Variants in C1QTNF7 observed in about 807,000 individuals in gnomAD.
C1QTNF7 encodes C1q and TNF related 7, also known as complement C1q tumor necrosis factor-related protein 7.
Under a neutral mutation model 19.6 loss-of-function variants are expected in C1QTNF7, and 15 were observed. The ratio of observed to expected loss-of-function variants is 0.76; its 90% CI spans 0.51 to 1.18. The LOEUF (loss-of-function observed/expected upper bound fraction) is 1.18. Ranked by LOEUF, C1QTNF7 falls within the 50% of genes most tolerant of loss-of-function variation. The probability of loss-of-function intolerance (pLI) is 0.00; values close to 1 mark genes in which losing one functional copy is unlikely to be tolerated. For synonymous variants in C1QTNF7, 142 were observed against 137.5 expected, an observed-to-expected ratio of 1.03 and a Z score of -0.23; for missense variants, 324 against 359.7, an observed-to-expected ratio of 0.90 and a Z score of 0.80.
At chr4:15,434,651 T>G (rs1258406424) in intron 1 of C1QTNF7, among the ~76,000 whole-genome samples, 1 of 152,128 alleles carries the variant, frequency 6.6e-6, no homozygotes. Context: ...ATCAGGTATC[T>G]CCAATCTATA....
intron 1 of C1QTNF7, among the ~76,000 whole-genome samples, chr4:15,383,008 T>C (rs1577247971): frequency 6.6e-6 from 1 of 152,158 alleles, no homozygotes; most frequent in East Asian, 1.9e-4. Flanking sequence ...ACATTTTATT[T>C]CTCCAGACTT....
At chr4:15,434,016 C>A (rs1264091155) in intron 1 of C1QTNF7, among the ~76,000 whole-genome samples, 2 of 152,010 alleles carry the variant, frequency 1.3e-5, no homozygotes, top group Non-Finnish European at 2.9e-5. Context: ...ATCTGAAGCT[C>A]CTTTGGAAGG....
chr4:15,355,065 C>A (rs1717085430), intron 1 of C1QTNF7, among the ~76,000 whole-genome samples: 1 of 152,138 alleles, frequency 6.6e-6, no homozygotes, highest in Non-Finnish European at 1.5e-5. Flanking sequence ...AGGATTCAAC[C>A]TGAGTGCACT....
At chr4:15,437,413 A>AT (rs1485452260) in intron 2 of C1QTNF7, among the ~76,000 whole-genome samples, 1 of 152,182 alleles carries the variant, frequency 6.6e-6, no homozygotes, top group Non-Finnish European at 1.5e-5. Context: ...CTGCCATGTG[A>AT]TAAAAACTCA....
chr4:15,425,851 T>C (rs1712019742), upstream of C1QTNF7, among the ~76,000 whole-genome samples: 1 of 152,048 alleles, frequency 6.6e-6, no homozygotes, highest in African/African-American at 2.4e-5. Flanking sequence ...TGTGTGAGTG[T>C]GTGTGTATGT....
intron 1 of C1QTNF7, among the ~76,000 whole-genome samples, chr4:15,388,642 G>C (rs1201575799): frequency 1.3e-5 from 2 of 152,198 alleles, no homozygotes; most frequent in African/African-American, 2.4e-5. Context: ...TCAATGATAT[G>C]ATCATGTAGG....
At chr4:15,388,717 C>T (rs1718438172) in intron 1 of C1QTNF7, among the ~76,000 whole-genome samples, 1 of 152,112 alleles carries the variant, frequency 6.6e-6, no homozygotes, top group Admixed American at 6.5e-5. Flanking sequence ...AACTGTGAGA[C>T]CAGGATATGT....
intron 1 of C1QTNF7, among the ~76,000 whole-genome samples, chr4:15,344,770 T>C (rs894059215): frequency 6.6e-6 from 1 of 152,242 alleles, no homozygotes; most frequent in African/African-American, 2.4e-5. Flanking sequence ...TACATAATAA[T>C]AGTATTGGCA....
chr4:15,382,210 T>C (rs935222825), intron 1 of C1QTNF7, among the ~76,000 whole-genome samples: 2 of 152,194 alleles, frequency 1.3e-5, no homozygotes, highest in South Asian at 4.1e-4. Flanking sequence ...AGGTTTCAAA[T>C]GTGGTTTTCT....
Position 15,442,955 on chromosome 4 carries a change from A to T in C1QTNF7, c.*156A>T. 4 of 731,320 alleles carry T rather than the reference A, an allele frequency of 5.5e-6. No individual in the cohort carries two copies. Among genetic ancestry groups the T allele is most frequent in the Non-Finnish European group, 6.2e-6 (3 of 486,740 alleles). The allele number at this position is 731,320 out of a possible 1,614,324, so 45.3% of individuals were successfully genotyped here. The stretch of plus-strand genomic sequence containing the variant: ...TTATCAAAACAAGATGAAACACAGA[A>T]AAGTTGAAACCACAACAAAATGAAT... On this transcript the variant is annotated 3_prime_UTR_variant, in exon 3 of 3. Coordinates refer to ENST00000444304, the MANE Select transcript of C1QTNF7 (RefSeq NM_031911.5).
intron 1 of C1QTNF7, among the ~76,000 whole-genome samples, chr4:15,368,161 A>C (rs369387025): frequency 6.6e-6 from 1 of 152,302 alleles, no homozygotes; most frequent in East Asian, 1.9e-4. Context: ...AGTATCTCGC[A>C]GTATAGACTC....
chr4:15,442,724 C>T lies in C1QTNF7; in HGVS notation c.795C>T (p.Asp265=). ...NGLFSDPGWA[D]SLFSGFLLYV... The stretch of plus-strand genomic sequence containing the variant: ...TCTTCTCAGACCCAGGTTGGGCAGA[C>T]AGCTTATTCTCCGGGTTTCTCTTAT... Residue 265 remains aspartate, a synonymous_variant, in exon 3 of 3, where the codon GAC becomes GAT. Coordinates refer to ENST00000444304, the MANE Select transcript of C1QTNF7 (RefSeq NM_031911.5). 1.9e-6 allele frequency: 3 copies of T among 1,614,116 alleles called. No homozygotes were observed. The highest frequency in any genetic ancestry group is 2.5e-6 in the Non-Finnish European group (3 of 1,180,012).
At chr4:15,353,254 T>C (rs1458628735) in intron 1 of C1QTNF7, among the ~76,000 whole-genome samples, 3 of 152,178 alleles carry the variant, frequency 2.0e-5, no homozygotes, top group African/African-American at 7.2e-5. Flanking sequence ...ATTAGTATTA[T>C]ATTTTAAAAG....
rs1232579723 is a variant in C1QTNF7, at chr4:15,442,923, G to A, written c.*124G>A. ...TCTAAAGCATTTAAAGACAATTCTA[G>A]CAGAATTTATCAAAACAAGATGAAA... On this transcript the variant is annotated 3_prime_UTR_variant, in exon 3 of 3. Coordinates refer to ENST00000444304, the MANE Select transcript of C1QTNF7 (RefSeq NM_031911.5). 3.0e-6 allele frequency: 3 copies of A among 1,016,240 alleles called. No homozygotes were observed. The highest frequency in any genetic ancestry group is 2.8e-6 in the Non-Finnish European group (2 of 723,352). 63.0% of individuals were successfully genotyped at this position (1,016,240 alleles called of 1,614,324 possible).
chr4:15,376,171 T>C (rs1234771299), intron 1 of C1QTNF7, among the ~76,000 whole-genome samples: 4 of 152,266 alleles, frequency 2.6e-5, no homozygotes, highest in East Asian at 1.9e-4. Flanking sequence ...AACATGTCTG[T>C]AGTTTTTATG....
intron 1 of C1QTNF7, among the ~76,000 whole-genome samples, chr4:15,422,878 G>A (rs1002487692): frequency 1.6e-4 from 25 of 152,164 alleles, no homozygotes; most frequent in Admixed American, 1.2e-3. Context: ...CAAAATGCTG[G>A]AATTACAGTT....
At chr4:15,384,125 G>C (rs1050947652) in intron 1 of C1QTNF7, among the ~76,000 whole-genome samples, 10 of 152,196 alleles carry the variant, frequency 6.6e-5, no homozygotes, top group Non-Finnish European at 5.9e-5. Flanking sequence ...ATAAATTGGG[G>C]ATAGTAGGGA....
At chr4:15,341,336 G>A (rs1475277512) in intron 1 of C1QTNF7, among the ~76,000 whole-genome samples, 1 of 152,190 alleles carries the variant, frequency 6.6e-6, no homozygotes, top group Non-Finnish European at 1.5e-5. Context: ...CTCTTGGGCT[G>A]AGAGGGCTCT....
intron 1 of C1QTNF7, among the ~76,000 whole-genome samples, chr4:15,431,287 G>T (rs1262274902): frequency 1.3e-5 from 2 of 152,112 alleles, no homozygotes; most frequent in Non-Finnish European, 2.9e-5. Context: ...TACTCATATG[G>T]AAACTAAGTG....
Sources: gnomAD v4.1 joint callset for allele counts (sites outside exome capture counted in the v4.1 genomes callset) on GRCh38, gnomAD v4.1.1 for gene constraint, MANE v1.5 for transcripts, NCBI Gene and HGNC (gene_info 2026-07-23, HGNC 2026-07-21) for gene names.